The following ARMH3 variants were observed in gnomAD, a reference collection of about 807,000 sequenced individuals.
ARMH3 encodes the protein armadillo-like helical domain-containing protein 3.
Under a neutral mutation model 99.1 loss-of-function variants are expected in ARMH3, and 60 were observed. That is an observed-to-expected ratio of 0.61 (90% CI 0.49 to 0.75). The LOEUF (loss-of-function observed/expected upper bound fraction) is 0.75, where lower values mean the gene tolerates loss of function less well. Ranked by LOEUF, ARMH3 falls within the 30% of genes least tolerant of loss-of-function variation. The probability of loss-of-function intolerance (pLI) is 0.00; values close to 1 mark genes in which losing one functional copy is unlikely to be tolerated. For missense variants in ARMH3, 679 were observed against 843.1 expected, an observed-to-expected ratio of 0.81 and a Z score of 2.41; for synonymous variants, 285 against 292.8, an observed-to-expected ratio of 0.97 and a Z score of 0.27.
intron 11 of ARMH3, among the ~76,000 whole-genome samples, chr10:102,010,689 A>G (rs1168024613): frequency 6.6e-6 from 1 of 152,196 alleles, no homozygotes; most frequent in Admixed American, 6.5e-5. Flanking sequence ...AACTATACAC[A>G]AACCTATGCT....
intron 23 of ARMH3, among the ~76,000 whole-genome samples, chr10:101,923,722 A>AT (rs776073536): frequency 1.3e-5 from 2 of 152,226 alleles, no homozygotes; most frequent in East Asian, 3.9e-4. Context: ...ATCTTATTTT[A>AT]TTTTTTCAAA....
chr10:102,007,885 C>A (rs1400344107), intron 13 of ARMH3, among the ~76,000 whole-genome samples: 4 of 150,814 alleles, frequency 2.7e-5, no homozygotes, highest in Non-Finnish European at 4.4e-5. Flanking sequence ...TGGCGGCCTT[C>A]CTGTTCCACA....
chr10:101,992,801 A>T (rs1056886530), intron 17 of ARMH3, among the ~76,000 whole-genome samples: 1 of 151,894 alleles, frequency 6.6e-6, no homozygotes, highest in Non-Finnish European at 1.5e-5. Flanking sequence ...CCTCAATGTG[A>T]TATTTTTTAA....
At chr10:101,851,384 C>G (rs1194925511) in intron 24 of ARMH3, among the ~76,000 whole-genome samples, 1 of 152,326 alleles carries the variant, frequency 6.6e-6, no homozygotes, top group East Asian at 1.9e-4. Context: ...ATCATTCACT[C>G]TGATCATCGG....
intron 22 of ARMH3, among the ~76,000 whole-genome samples, chr10:101,953,539 A>G (rs1280498146): frequency 7.6e-6 from 1 of 131,668 alleles, no homozygotes; most frequent in Non-Finnish European, 1.6e-5. Flanking sequence ...CACCGTGCCC[A>G]GCCTTTTTTT....
At chr10:101,900,079 T>C (rs1433243844) in intron 23 of ARMH3, among the ~76,000 whole-genome samples, 1 of 152,216 alleles carries the variant, frequency 6.6e-6, no homozygotes, top group East Asian at 1.9e-4. Flanking sequence ...AATCTTTCAA[T>C]AAATGAAAAG....
intron 19 of ARMH3, among the ~76,000 whole-genome samples, chr10:101,983,904 G>A (rs1317680558): frequency 1.3e-5 from 2 of 152,062 alleles, no homozygotes; most frequent in African/African-American, 2.4e-5. Context: ...ATTTATAGCC[G>A]GTCCATCAGA....
intron 24 of ARMH3, among the ~76,000 whole-genome samples, chr10:101,877,808 T>C (rs945383034): frequency 4.6e-5 from 7 of 152,128 alleles, no homozygotes; most frequent in Non-Finnish European, 1.0e-4. Flanking sequence ...TCATACCTAA[T>C]TGGAGAAAAT....
chr10:101,911,965 G>A (rs144728090), intron 23 of ARMH3, among the ~76,000 whole-genome samples: 29 of 152,122 alleles, frequency 1.9e-4, no homozygotes, highest in Admixed American at 1.7e-3. Flanking sequence ...CCCAGGAGGC[G>A]GAGGTTGCAG....
intron 8 of ARMH3, among the ~76,000 whole-genome samples, chr10:102,015,207 T>A (rs1219996145): frequency 6.6e-6 from 1 of 152,152 alleles, no homozygotes; most frequent in Non-Finnish European, 1.5e-5. Context: ...CAAATTCTGC[T>A]GATTCTACAG....
intron 22 of ARMH3, among the ~76,000 whole-genome samples, chr10:101,953,746 T>G (rs1292644251): frequency 6.6e-6 from 1 of 152,128 alleles, no homozygotes; most frequent in Non-Finnish European, 1.5e-5. Flanking sequence ...GGATATGATA[T>G]GGAATGACGA....
chr10:101,931,257 T>C (rs1316664658), intron 23 of ARMH3, among the ~76,000 whole-genome samples: 1 of 152,216 alleles, frequency 6.6e-6, no homozygotes, highest in Non-Finnish European at 1.5e-5. Flanking sequence ...CCGGGTGCGA[T>C]GGCTCACGCC....
intron 23 of ARMH3, among the ~76,000 whole-genome samples, chr10:101,921,016 A>C (rs1345345799): frequency 6.6e-6 from 1 of 152,216 alleles, no homozygotes; most frequent in Non-Finnish European, 1.5e-5. Context: ...TTGTTTAATC[A>C]GTACAATTTC....
At chr10:101,910,623 T>C (rs1842823874) in intron 23 of ARMH3, among the ~76,000 whole-genome samples, 1 of 151,832 alleles carries the variant, frequency 6.6e-6, no homozygotes, top group Admixed American at 6.6e-5. Context: ...TTCCAGCTAC[T>C]TGGGAGGCTG....
intron 14 of ARMH3, among the ~76,000 whole-genome samples, chr10:102,006,300 C>T (rs961658388): frequency 6.6e-6 from 1 of 152,212 alleles, no homozygotes; most frequent in African/African-American, 2.4e-5. Context: ...CATGCCTCTA[C>T]AACTACTCCC....
chr10:102,045,444 G>A (rs537378656), intron 1 of ARMH3, among the ~76,000 whole-genome samples: 10 of 152,186 alleles, frequency 6.6e-5, no homozygotes, highest in Admixed American at 5.2e-4. Context: ...ATGGCACTTG[G>A]GCTAAGATCT....
chr10:101,859,355 G>T (rs552822287), intron 24 of ARMH3, among the ~76,000 whole-genome samples: 1 of 152,256 alleles, frequency 6.6e-6, no homozygotes, highest in Non-Finnish European at 1.5e-5. Flanking sequence ...AGCAGCTGCA[G>T]GAAGGACCAA....
chr10:101,942,426 T>C (rs1334842708), intron 22 of ARMH3, among the ~76,000 whole-genome samples: 1 of 152,206 alleles, frequency 6.6e-6, no homozygotes, highest in Admixed American at 6.5e-5. Flanking sequence ...GTATTGGTAA[T>C]TACCTTTGAT....
chr10:101,912,993 C>A (rs1235672019), intron 23 of ARMH3: 1 of 152,084 alleles, frequency 6.6e-6, no homozygotes, highest in Admixed American at 6.6e-5. Flanking sequence ...TATTTAAATT[C>A]TTTTAGAGGC....
Sources: gnomAD v4.1 joint callset for allele counts (sites outside exome capture counted in the v4.1 genomes callset) on GRCh38, gnomAD v4.1.1 for gene constraint, MANE v1.5 for transcripts, NCBI Gene and HGNC (gene_info 2026-07-23, HGNC 2026-07-21) for gene names.